Variants in PITPNM3 observed in about 807,000 individuals in gnomAD.
PITPNM3 encodes the protein PITPNM family member 3.
Under a neutral mutation model 102.0 loss-of-function variants are expected in PITPNM3, and 26 were observed. The observed-to-expected ratio is 0.25, with a 90% CI of 0.19 to 0.35. The LOEUF (loss-of-function observed/expected upper bound fraction) is 0.35. Ranked by LOEUF, PITPNM3 falls within the 10% of genes least tolerant of loss-of-function variation. The probability of loss-of-function intolerance (pLI) is 1.00; values close to 1 mark genes in which losing one functional copy is unlikely to be tolerated. For synonymous variants in PITPNM3, 578 were observed against 558.6 expected (o/e 1.03, Z -0.49); for missense variants, 1,083 against 1,346.1 (o/e 0.80, Z 3.06).
intron 3 of PITPNM3, among the ~76,000 whole-genome samples, chr17:6,516,073 T>C (rs1460000032): frequency 6.6e-6 from 1 of 152,040 alleles, no homozygotes; most frequent in African/African-American, 2.4e-5. Context: ...CTCAGAAGGC[T>C]GAGGCAGGAG....
intron 3 of PITPNM3, among the ~76,000 whole-genome samples, chr17:6,520,515 G>A (rs909496565): frequency 6.6e-6 from 1 of 152,204 alleles, no homozygotes; most frequent in Non-Finnish European, 1.5e-5. Context: ...GAGGGAAGAG[G>A]TAAGTTGCAG....
intron 14 of PITPNM3, among the ~76,000 whole-genome samples, chr17:6,466,227 C>T (rs1310195958): frequency 6.6e-6 from 1 of 152,224 alleles, no homozygotes; most frequent in Non-Finnish European, 1.5e-5. Flanking sequence ...CCAGCCCATT[C>T]GCTATGACTA....
intron 18 of PITPNM3, chr17:6,460,478 A>G (rs1904387000): frequency 6.6e-6 from 1 of 152,306 alleles, no homozygotes; most frequent in African/African-American, 2.4e-5. Context: ...GATAGTAAAT[A>G]TATCAGGCTT....
At chr17:6,551,723 AG>A (rs1214563304) in intron 1 of PITPNM3, among the ~76,000 whole-genome samples, 1 of 152,018 alleles carries the variant, frequency 6.6e-6, no homozygotes, top group Non-Finnish European at 1.5e-5. Context: ...TGAAAAAAAA[AG>A]TATTAAAAAA....
rs1910614513 is a variant in PITPNM3 at position 6,556,400 on chromosome 17, T to G, written c.7A>C (p.Lys3Gln). ...CCGCCCTCACCTGCACGGCCCGCCT[T>G]GGCCATGTCCCGGGCGGCGGGCTCC... MA[K>Q]AGRAGGPPPG... The change falls in exon 1 of 20, where the codon AAG (lysine) becomes CAG (glutamine). Residue 3 changes from lysine to glutamine, a missense_variant. Physicochemically the swap from Lys to Gln is moderately conservative, Grantham distance 53. Around this residue, in one of 5 missense-constraint regions of PITPNM3, gnomAD observed 290 missense variants for 337.8 expected, o/e 0.86. Transcript: ENST00000262483. This position sits in a 1 kb window ranked among gnomAD's most constrained non-coding sequence, Gnocchi z 5.2. 2.9e-6 allele frequency: 4 copies of G among 1,356,150 alleles called. No homozygotes were observed. The highest frequency in any genetic ancestry group is 3.8e-6 in the Non-Finnish European group (4 of 1,051,634). The allele number at this position is 1,356,150 out of a possible 1,614,324, so 84.0% of individuals were successfully genotyped here.
Position 6,461,635 on chromosome 17 carries a change from C to T in PITPNM3, c.2307-79G>A. On this transcript the variant is annotated intron_variant, in intron 17 of 19. Transcript: ENST00000262483. ...GCCCAGAAGCCTGCCCTGCCCGCAG[C>T]TGCCCTCCTGAGACGTCAGAGGGAC... 1.5e-5 allele frequency: 22 copies of T among 1,516,058 alleles called. No homozygotes were observed. In the South Asian group the frequency reaches 2.4e-4, roughly 16 times the overall value. 93.9% of individuals were successfully genotyped at this position (1,516,058 alleles called of 1,614,324 possible).
chr17:6,518,886 G>A (rs1244847372), intron 3 of PITPNM3, among the ~76,000 whole-genome samples: 11 of 152,274 alleles, frequency 7.2e-5, no homozygotes, highest in Admixed American at 2.0e-4. Context: ...CATGTTTGTT[G>A]GTAAAACATT....
intron 5 of PITPNM3, 104 bp from the exon 6 acceptor site, chr17:6,483,856 C>G (rs1905909148): frequency 2.0e-6 from 2 of 987,914 alleles, no homozygotes; most frequent in Non-Finnish European, 3.1e-6. Flanking sequence ...CACTCACACA[C>G]ACGCACACAC....
chr17:6,467,108 C>A (rs939577092), intron 14 of PITPNM3, among the ~76,000 whole-genome samples: 4 of 145,806 alleles, frequency 2.7e-5, no homozygotes, highest in African/African-American at 7.5e-5. Flanking sequence ...TGAAAACAAC[C>A]CAAAAAATGT....
intron 1 of PITPNM3, among the ~76,000 whole-genome samples, chr17:6,554,378 G>C (rs1332966707): frequency 6.6e-6 from 1 of 151,918 alleles, no homozygotes; most frequent in Non-Finnish European, 1.5e-5. Context: ...AGGAGCCTGG[G>C]AGAGCTGAGC....
At chr17:6,502,616 G>A (rs1415925597) in intron 4 of PITPNM3, among the ~76,000 whole-genome samples, 1 of 152,198 alleles carries the variant, frequency 6.6e-6, no homozygotes, top group African/African-American at 2.4e-5. Context: ...CCTGAGCTCA[G>A]GGAGGTGGTG....
intron 4 of PITPNM3, among the ~76,000 whole-genome samples, chr17:6,501,352 G>A (rs923546646): frequency 2.6e-5 from 4 of 152,140 alleles, no homozygotes; most frequent in African/African-American, 9.7e-5. Flanking sequence ...CCCAGAGCTG[G>A]CTAATTCCTA....
chr17:6,490,361 T>G (rs372222353), intron 4 of PITPNM3, among the ~76,000 whole-genome samples: 40 of 152,144 alleles, frequency 2.6e-4, no homozygotes, highest in African/African-American at 9.4e-4. Context: ...GGGGTTTGCC[T>G]ACATTCCCCG....
At chr17:6,497,563 G>C (rs1906909757) in intron 4 of PITPNM3, among the ~76,000 whole-genome samples, 1 of 152,188 alleles carries the variant, frequency 6.6e-6, no homozygotes, top group Admixed American at 6.5e-5. Flanking sequence ...CCATTGCCAG[G>C]TCTTTTTCTG....
At chr17:6,547,743 C>CTTTTCT (rs1555562631) in intron 1 of PITPNM3, among the ~76,000 whole-genome samples, 3 of 145,992 alleles carry the variant, frequency 2.1e-5, no homozygotes, top group African/African-American at 7.5e-5. Context: ...CTTTTCTTTT[C>CTTTTCT]TTTTTTTTTT....
chr17:6,527,774 A>G (rs1381289958), intron 2 of PITPNM3, among the ~76,000 whole-genome samples: 2 of 152,176 alleles, frequency 1.3e-5, no homozygotes, highest in African/African-American at 4.8e-5. Flanking sequence ...TTTGTGAAAA[A>G]CATGATAGAA....
chr17:6,461,284 C>T, intron 18 of PITPNM3, 89 bp downstream of exon 18: 1 of 1,470,738 alleles, frequency 6.8e-7, no homozygotes, highest in Non-Finnish European at 9.4e-7. Flanking sequence ...CATCACAAGG[C>T]CCCACCCGGG....
chr17:6,457,542 C>T lies in PITPNM3; in HGVS notation c.2619+52G>A. On this transcript the variant is annotated intron_variant, in intron 19 of 19. Transcript: ENST00000262483. This position sits in a 1 kb window ranked among gnomAD's most constrained non-coding sequence, Gnocchi z 4.7. ...AATGAAGTGCTTACTCCCTCTATCC[C>T]TTTCCCTGACCTCCCTCACAACTCC... is the stretch of plus-strand genomic sequence containing the variant. The T allele has an allele frequency of 6.2e-7, 1 of 1,611,934 alleles. No individual in the cohort carries two copies. The highest frequency in any genetic ancestry group is 8.5e-7 in the Non-Finnish European group (1 of 1,179,152).
At chr17:6,501,391 C>A (rs1907165589) in intron 4 of PITPNM3, among the ~76,000 whole-genome samples, 1 of 152,178 alleles carries the variant, frequency 6.6e-6, no homozygotes, top group Non-Finnish European at 1.5e-5. Context: ...TTTGAGGGCA[C>A]CTTTCATAGG....
Sources: gnomAD v4.1 joint callset for allele counts (sites outside exome capture counted in the v4.1 genomes callset) on GRCh38, gnomAD v4.1.1 for gene constraint, gnomAD v4.1.1 regional missense constraint, Gnocchi (gnomAD v3.1) non-coding constraint, MANE v1.5 for transcripts, NCBI Gene and HGNC (gene_info 2026-07-23, HGNC 2026-07-21) for gene names.